The following ZFP64 variants were observed in gnomAD, a reference collection of about 807,000 sequenced individuals.
ZFP64 encodes ZFP64 zinc finger protein.
A neutral mutation model predicts 51.6 loss-of-function variants in ZFP64; 14 were observed. That is an observed-to-expected ratio of 0.27 (90% CI 0.18 to 0.42). The LOEUF (loss-of-function observed/expected upper bound fraction) is 0.42, where lower values mean the gene tolerates loss of function less well. Among genes scored for constraint, ZFP64 ranks in the 10% least tolerant of loss-of-function variants. The pLI is 1.00. For missense variants in ZFP64, 754 were observed against 906.8 expected (o/e 0.83, Z 2.16); for synonymous variants, 375 against 361.4 (o/e 1.04, Z -0.43).
intron 2 of ZFP64, among the ~76,000 whole-genome samples, chr20:52,168,242 G>A (rs1982444538): frequency 6.6e-6 from 1 of 151,988 alleles, no homozygotes; most frequent in Non-Finnish European, 1.5e-5. Flanking sequence ...GAAGTCAAGG[G>A]CTTTGGTTTA....
chr20:52,143,523 G>A (rs1392959219), intron 5 of ZFP64, among the ~76,000 whole-genome samples: 3 of 141,654 alleles, frequency 2.1e-5, no homozygotes, highest in African/African-American at 2.5e-5. Context: ...TTGTTTTTGA[G>A]CTATTTTACG....
Position 52,191,528 on chromosome 20 carries a change from G to T in ZFP64, c.46+63C>A. 1.3e-6 allele frequency: 2 copies of T among 1,486,240 alleles called. No homozygotes were observed. Among genetic ancestry groups the T allele is most frequent in the Non-Finnish European group, 1.8e-6 (2 of 1,119,624 alleles). The allele number at this position is 1,486,240 out of a possible 1,614,324, so 92.1% of individuals were successfully genotyped here. ...GCTGGCTGCGTCGCAGACGTGCTTG[G>T]GCCCGGGCCCCGGAGCGCGCACTGG... On this transcript the variant is annotated intron_variant, in intron 1 of 5. Transcript: ENST00000216923. This position sits in a 1 kb window ranked among gnomAD's most constrained non-coding sequence, Gnocchi z 4.3.
chr20:52,091,649 A>G (rs994524872), intron 7 of ZFP64, among the ~76,000 whole-genome samples: 2 of 152,016 alleles, frequency 1.3e-5, no homozygotes, highest in Non-Finnish European at 1.5e-5. Context: ...TTTTTGTCAA[A>G]ATTAGATTAC....
intron 5 of ZFP64, among the ~76,000 whole-genome samples, chr20:52,138,096 A>T (rs995174791): frequency 6.6e-6 from 1 of 152,034 alleles, no homozygotes; most frequent in Non-Finnish European, 1.5e-5. Flanking sequence ...AGTCCCAACT[A>T]CTTGGGAGGC....
At chr20:52,134,669 G>A (rs528751709) in intron 5 of ZFP64, among the ~76,000 whole-genome samples, 39 of 152,240 alleles carry the variant, frequency 2.6e-4, no homozygotes, top group African/African-American at 8.9e-4. Flanking sequence ...TCATATGTTT[G>A]TTTAATCACA....
At chr20:52,098,972 AG>A (rs2079022081) in intron 5 of ZFP64, among the ~76,000 whole-genome samples, 1 of 145,594 alleles carries the variant, frequency 6.9e-6, no homozygotes, top group Non-Finnish European at 1.5e-5. Context: ...ACTGCACTCC[AG>A]CCTGGGCAAC....
intron 5 of ZFP64, among the ~76,000 whole-genome samples, chr20:52,127,079 G>A (rs1355671891): frequency 2.6e-5 from 4 of 151,976 alleles, no homozygotes; most frequent in South Asian, 2.1e-4. Context: ...AGCCTTCTGA[G>A]TAGCTGGGAC....
At chr20:52,089,332 G>A (rs543647685) in intron 7 of ZFP64, among the ~76,000 whole-genome samples, 2 of 152,256 alleles carry the variant, frequency 1.3e-5, no homozygotes, top group East Asian at 1.9e-4. Flanking sequence ...TGAAAACTAT[G>A]GAAATCAAAA....
chr20:52,095,321 T>G (rs567532473), intron 7 of ZFP64, among the ~76,000 whole-genome samples: 1 of 152,156 alleles, frequency 6.6e-6, no homozygotes. Context: ...CAGGAGGCCA[T>G]TGTGGAGCAG....
At chr20:52,105,809 T>C (rs1978310386) in intron 5 of ZFP64, among the ~76,000 whole-genome samples, 1 of 151,968 alleles carries the variant, frequency 6.6e-6, no homozygotes, top group Non-Finnish European at 1.5e-5. Flanking sequence ...AGATTCGGAC[T>C]TAATTGGTCT....
intron 4 of ZFP64, among the ~76,000 whole-genome samples, chr20:52,163,174 A>G (rs1361658981): frequency 6.6e-6 from 1 of 152,184 alleles, no homozygotes; most frequent in Non-Finnish European, 1.5e-5. Flanking sequence ...TAGCCTGACC[A>G]ACATGGAGAA....
intron 5 of ZFP64, among the ~76,000 whole-genome samples, chr20:52,131,994 GA>G (rs953771930): frequency 1.5e-4 from 23 of 151,384 alleles, no homozygotes; most frequent in African/African-American, 5.3e-4. Flanking sequence ...TTAAAATGTT[GA>G]AAAAAAACTG....
intron 5 of ZFP64, among the ~76,000 whole-genome samples, chr20:52,136,542 C>A (rs1829006239): frequency 6.6e-6 from 1 of 151,964 alleles, no homozygotes; most frequent in African/African-American, 2.4e-5. Context: ...GAGTTTACAT[C>A]AATAAAAAAG....
chr20:52,092,631 G>A (rs867800397), intron 7 of ZFP64, among the ~76,000 whole-genome samples: 2 of 152,174 alleles, frequency 1.3e-5, no homozygotes, highest in South Asian at 2.1e-4. Context: ...AGGCGGATCC[G>A]CCTTGACTTG....
At chr20:52,084,845 G>T (rs149952282) in exon 9 of ZFP64, 1 of 1,613,970 alleles carries the variant, frequency 6.2e-7, no homozygotes, top group Non-Finnish European at 8.5e-7. Flanking sequence ...TCTCCGTCTT[G>T]GCCTCGTCCC....
chr20:52,183,265 G>A (rs1168491511), intron 2 of ZFP64, among the ~76,000 whole-genome samples: 2 of 152,150 alleles, frequency 1.3e-5, no homozygotes, highest in Non-Finnish European at 2.9e-5. Flanking sequence ...GGTATTTCAG[G>A]CAAAGGAAAA....
At chr20:52,084,125 A>C (rs183256765) in exon 9 of ZFP64, 24 of 162,752 alleles carry the variant, frequency 1.5e-4, no homozygotes, top group Middle Eastern at 3.1e-3. Context: ...GTTTTCCAGC[A>C]ACCCCAGACC....
At chr20:52,128,888 C>A (rs2122874083) in intron 5 of ZFP64, among the ~76,000 whole-genome samples, 1 of 151,964 alleles carries the variant, frequency 6.6e-6, no homozygotes, top group Non-Finnish European at 1.5e-5. Context: ...AGCTAACACT[C>A]CACAAGGAGC....
rs373862997 is a variant in ZFP64 at position 52,179,603 on chromosome 20, C to G, written c.286+7229G>C. On this transcript the variant is annotated intron_variant, in intron 2 of 5. Coordinates refer to ENST00000216923, the MANE Select transcript of ZFP64 (RefSeq NM_018197.3). ...ACTAATTTGGAGCTCACAGGCCAAA[C>G]TGAAACTTCAGATTCTTTTTTAAGG... Among the ~76,000 whole-genome samples, 30 of 152,324 alleles carry G rather than the reference C, an allele frequency of 2.0e-4. 1 individual carries two copies. Among genetic ancestry groups the G allele is most frequent in the Admixed American group, 1.1e-3 (17 of 15,296 alleles).
Sources: allele counts gnomAD v4.1 joint callset (sites outside exome capture counted in the v4.1 genomes callset), GRCh38; gene constraint gnomAD v4.1.1; non-coding constraint Gnocchi (gnomAD v3.1); transcripts MANE v1.5; gene names NCBI Gene and HGNC (gene_info 2026-07-23, HGNC 2026-07-21).